TENM3: variants seen among roughly 807,000 people sequenced by gnomAD.
TENM3 encodes the protein teneurin-3.
In TENM3, 63 loss-of-function variants were observed where a neutral mutation model predicts 255.1. That is an observed-to-expected ratio of 0.25 (90% CI 0.20 to 0.30). TENM3 has a LOEUF of 0.30. Ranked by LOEUF, TENM3 falls within the 10% of genes least tolerant of loss-of-function variation. TENM3 has a pLI of 1.00. For missense variants in TENM3, 2,929 were observed against 3,461.1 expected (o/e 0.85, Z 3.86); for synonymous variants, 1,306 against 1,322.3 (o/e 0.99, Z 0.27).
the TENM3 span, among the ~76,000 whole-genome samples, chr4:182,057,459 G>GTA: frequency 2.1e-5 from 3 of 145,532 alleles, no homozygotes; most frequent in Non-Finnish European, 4.5e-5. Context: ...GGCCCAGGCA[G>GTA]TAGTGCAGTG....
intron 1 of TENM3, among the ~76,000 whole-genome samples, chr4:182,180,299 G>A (rs953742642): frequency 1.1e-4 from 16 of 152,124 alleles, no homozygotes; most frequent in African/African-American, 4.8e-5. Flanking sequence ...CATATTTATG[G>A]AGGACGATAA....
the TENM3 span, among the ~76,000 whole-genome samples, chr4:181,592,890 G>T: frequency 6.6e-6 from 1 of 152,158 alleles, no homozygotes; most frequent in Admixed American, 6.5e-5. Context: ...TGTTAACACA[G>T]ATGGTCTCAA....
chr4:182,543,702 T>C (rs1234376915), intron 3 of TENM3, among the ~76,000 whole-genome samples: 1 of 152,168 alleles, frequency 6.6e-6, no homozygotes, highest in Non-Finnish European at 1.5e-5. Context: ...TGTAAGTTGT[T>C]GATACATGCT....
the TENM3 span, among the ~76,000 whole-genome samples, chr4:182,113,950 C>A: frequency 6.6e-6 from 1 of 152,144 alleles, no homozygotes; most frequent in African/African-American, 2.4e-5. Context: ...GCAGGACCAT[C>A]ATTATAAATA....
chr4:181,773,713 G>C, the TENM3 span, among the ~76,000 whole-genome samples: 2 of 152,150 alleles, frequency 1.3e-5, no homozygotes, highest in African/African-American at 2.4e-5. Context: ...AAATTTGTGT[G>C]TGTGTTTTCT....
intron 3 of TENM3, among the ~76,000 whole-genome samples, chr4:182,366,420 A>C (rs937514959): frequency 1.3e-5 from 2 of 151,886 alleles, no homozygotes; most frequent in African/African-American, 4.8e-5. Context: ...AAGTACATTT[A>C]CTATATATTA....
At chr4:181,706,693 C>T in the TENM3 span, among the ~76,000 whole-genome samples, 1 of 152,154 alleles carries the variant, frequency 6.6e-6, no homozygotes, top group Non-Finnish European at 1.5e-5. Context: ...ATTGGTTGAC[C>T]TCACTGCGCT....
At chr4:181,845,150 ATTG>A in the TENM3 span, among the ~76,000 whole-genome samples, 1 of 152,164 alleles carries the variant, frequency 6.6e-6, no homozygotes, top group East Asian at 1.9e-4. Flanking sequence ...TGTTCTGGGA[ATTG>A]TTTTCTACGA....
the TENM3 span, among the ~76,000 whole-genome samples, chr4:181,473,895 T>A: frequency 8.3e-5 from 12 of 143,760 alleles, no homozygotes; most frequent in Admixed American, 4.7e-4. Flanking sequence ...ATAAATATAC[T>A]GTATAAAGTA....
At chr4:181,828,442 C>CA in the TENM3 span, among the ~76,000 whole-genome samples, 1 of 152,212 alleles carries the variant, frequency 6.6e-6, no homozygotes, top group African/African-American at 2.4e-5. Context: ...CATAAATCTT[C>CA]AAAATATCCC....
At chr4:181,486,480 T>C in the TENM3 span, among the ~76,000 whole-genome samples, 39,447 of 152,146 alleles carry the variant, frequency 0.26, 5,355 homozygotes, top group Middle Eastern at 0.39. Context: ...TACTGAAGCA[T>C]AGCTGAAAAT....
the TENM3 span, among the ~76,000 whole-genome samples, chr4:181,531,128 G>T: frequency 6.6e-6 from 1 of 152,046 alleles, no homozygotes; most frequent in Non-Finnish European, 1.5e-5. Flanking sequence ...TAAATGTCAT[G>T]TGGTTATTTT....
the TENM3 span, among the ~76,000 whole-genome samples, chr4:181,728,327 G>A: frequency 6.6e-6 from 1 of 152,156 alleles, no homozygotes; most frequent in Non-Finnish European, 1.5e-5. Context: ...AGTGAAAGCG[G>A]TTAAGAAAGT....
the TENM3 span, among the ~76,000 whole-genome samples, chr4:181,553,920 T>C: frequency 6.6e-6 from 1 of 152,136 alleles, no homozygotes; most frequent in Admixed American, 6.5e-5. Context: ...CCCCCCGCTC[T>C]CTGAGTTGAC....
At chr4:182,569,572 A>G (rs1744155367) in intron 3 of TENM3, among the ~76,000 whole-genome samples, 1 of 151,828 alleles carries the variant, frequency 6.6e-6, no homozygotes, top group African/African-American at 2.4e-5. Flanking sequence ...AAAAAAAAAA[A>G]AAGAAAGAAA....
chr4:182,700,854 A>G (rs1369622974), intron 12 of TENM3, among the ~76,000 whole-genome samples: 2 of 152,152 alleles, frequency 1.3e-5, no homozygotes, highest in Non-Finnish European at 2.9e-5. Context: ...AGGGTAATCT[A>G]CATTGCAAAT....
the TENM3 span, among the ~76,000 whole-genome samples, chr4:182,048,139 TC>T: frequency 2.0e-5 from 3 of 152,080 alleles, no homozygotes; most frequent in African/African-American, 7.2e-5. Flanking sequence ...TTTCATCAGT[TC>T]CCCCCACAAT....
chr4:181,945,991 T>G, the TENM3 span, among the ~76,000 whole-genome samples: 1 of 152,212 alleles, frequency 6.6e-6, no homozygotes, highest in Admixed American at 6.5e-5. Context: ...TAGGTCCCTA[T>G]TGTTCCATAA....
the TENM3 span, among the ~76,000 whole-genome samples, chr4:181,723,187 G>A: frequency 1.3e-5 from 2 of 151,648 alleles, no homozygotes; most frequent in African/African-American, 2.4e-5. Context: ...TAATTTCAAT[G>A]ATTGTACAAT....
Sources: allele counts gnomAD v4.1 joint callset (sites outside exome capture counted in the v4.1 genomes callset), GRCh38; gene constraint gnomAD v4.1.1; transcripts MANE v1.5; gene names NCBI Gene and HGNC (gene_info 2026-07-23, HGNC 2026-07-21).